CYP4Z1: variants seen among roughly 807,000 people sequenced by gnomAD.
CYP4Z1 encodes cytochrome P450 4Z1.
In CYP4Z1, 41 loss-of-function variants were observed where a neutral mutation model predicts 54.2. The observed-to-expected ratio is 0.76, with a 90% confidence interval of 0.59 to 0.98. CYP4Z1 has a LOEUF of 0.98. Ranked by LOEUF, CYP4Z1 falls within the 50% of genes least tolerant of loss-of-function variation. CYP4Z1 has a pLI of 0.00. For synonymous variants in CYP4Z1, 163 were observed against 206.2 expected, an observed-to-expected ratio of 0.79 and a Z score of 1.79; for missense variants, 513 against 599.0, an observed-to-expected ratio of 0.86 and a Z score of 1.50.
At position 47,084,758 on chromosome 1, in the gene CYP4Z1, G is replaced by A. The variant is rs1644579509; in HGVS notation, c.617+14G>A. 1 of 1,613,256 alleles carries A rather than the reference G, an allele frequency of 6.2e-7. No individual in the cohort carries two copies. The highest frequency in any genetic ancestry group is 1.1e-5 in the South Asian group (1 of 91,016). ...CCAGTTGGACAGGTCAGTGACAAAA[G>A]GAAGGTAATTGTTTGCCAATAACTG... On this transcript the variant is annotated intron_variant, in intron 5 of 11. Transcript: ENST00000334194.
At chr1:47,097,399 G>C (rs1019935472) in intron 7 of CYP4Z1, among the ~76,000 whole-genome samples, 1 of 152,126 alleles carries the variant, frequency 6.6e-6, no homozygotes, top group African/African-American at 2.4e-5. Context: ...CCATGCCTAT[G>C]TCCTGAATGG....
chr1:47,096,470 T>G (rs530348590), intron 7 of CYP4Z1, among the ~76,000 whole-genome samples: 1 of 152,174 alleles, frequency 6.6e-6, no homozygotes, highest in Non-Finnish European at 1.5e-5. Flanking sequence ...GTTTTTATTT[T>G]GAGTTAATAC....
chr1:47,078,514 A>G (rs1347774753), intron 2 of CYP4Z1, among the ~76,000 whole-genome samples: 9 of 144,142 alleles, frequency 6.2e-5, no homozygotes, highest in African/African-American at 2.3e-4. Context: ...AAAGTTGTCT[A>G]GTAAGTCCAA....
chr1:47,102,101 C>T (rs1226459639), intron 8 of CYP4Z1, among the ~76,000 whole-genome samples: 1 of 152,098 alleles, frequency 6.6e-6, no homozygotes, highest in Non-Finnish European at 1.5e-5. Context: ...TTTGCATGGA[C>T]TATCTTTTTC....
chr1:47,105,926 G>T (rs1037344774), intron 8 of CYP4Z1, among the ~76,000 whole-genome samples: 11 of 136,176 alleles, frequency 8.1e-5, no homozygotes, highest in Admixed American at 7.4e-4. Context: ...TGCGGGGGGG[G>T]GAGAATCACT....
At chr1:47,086,585 TG>T (rs1204002402) in intron 6 of CYP4Z1, among the ~76,000 whole-genome samples, 1 of 152,382 alleles carries the variant, frequency 6.6e-6, no homozygotes, top group East Asian at 1.9e-4. Flanking sequence ...TTGTAGATTC[TG>T]GATATTAGCC....
At chr1:47,109,873 CAA>C (rs56098025) in intron 9 of CYP4Z1, among the ~76,000 whole-genome samples, 66 of 130,276 alleles carry the variant, frequency 5.1e-4, no homozygotes, top group Admixed American at 9.2e-4. Flanking sequence ...TCTACATGGC[CAA>C]AAAAAAAAAA....
chr1:47,097,937 T>C (rs1644690268), intron 7 of CYP4Z1, among the ~76,000 whole-genome samples: 7 of 151,536 alleles, frequency 4.6e-5, no homozygotes, highest in Admixed American at 4.0e-4. Flanking sequence ...TGTCTCAGTC[T>C]CCCGAGTAGC....
At position 47,082,760 on chromosome 1, in the gene CYP4Z1, T is replaced by C. The variant is rs374516413; in HGVS notation, c.492+299T>C. 5.7e-3 allele frequency among the ~76,000 whole-genome samples: 808 copies of C among 142,470 alleles called. 1 individual carries two copies. The highest frequency in any genetic ancestry group is 0.012 in the African/African-American group (448 of 36,772). The allele number at this position is 142,470 out of a possible 152,430, so 93.5% of individuals were successfully genotyped here. On this transcript the variant is annotated intron_variant, in intron 4 of 11. Transcript: ENST00000334194. ...CAAGGCAGAAGAGCAAAGACACCCA[T>C]AGGAGTAGCCATGCCAACATAGAGA... is the stretch of plus-strand genomic sequence containing the variant.
chr1:47,117,741 A>G (rs1644840547), intron 11 of CYP4Z1, 25 bp from the exon 12 acceptor site: 1 of 1,589,670 alleles, frequency 6.3e-7, no homozygotes, highest in South Asian at 1.1e-5. Context: ...ATTAGATGCC[A>G]TGTTTTCTTT....
At chr1:47,083,189 A>G (rs180914946) in intron 4 of CYP4Z1, among the ~76,000 whole-genome samples, 257 of 152,110 alleles carry the variant, frequency 1.7e-3, no homozygotes, top group African/African-American at 5.9e-3. Flanking sequence ...AGTCACAAAG[A>G]CTTCTTAATG....
intron 8 of CYP4Z1, among the ~76,000 whole-genome samples, chr1:47,101,964 A>G (rs1295333822): frequency 6.6e-6 from 1 of 152,168 alleles, no homozygotes; most frequent in Non-Finnish European, 1.5e-5. Flanking sequence ...ATACATGTTT[A>G]GACTGTTATA....
chr1:47,067,528 C>A lies in CYP4Z1; in HGVS notation c.38C>A (p.Pro13His), dbSNP rs754400619. The change falls in exon 1 of 12, where the codon CCC becomes CAC. Residue 13 changes from proline to histidine, a missense_variant. Pro to His is a moderately conservative substitution (Grantham distance 77). Coordinates refer to ENST00000334194, the MANE Select transcript of CYP4Z1 (RefSeq NM_178134.3). Reference protein sequence around the residue: ...PSWLQELMAHPFLLLILLCMS... With the variant: ...PSWLQELMAHHFLLLILLCMS... ...TGGCTTCAGGAACTCATGGCTCACC[C>A]CTTCTTGCTGCTGATCCTCCTCTGC... The A allele has an allele frequency of 6.2e-7, 1 of 1,612,932 alleles. No individual in the cohort carries two copies. The highest frequency in any genetic ancestry group is 1.3e-5 in the African/African-American group (1 of 74,992).
chr1:47,086,198 G>T (rs551662023), intron 6 of CYP4Z1, among the ~76,000 whole-genome samples: 3 of 152,148 alleles, frequency 2.0e-5, no homozygotes, highest in African/African-American at 7.2e-5. Context: ...TAATCCTTTG[G>T]GTATATACCC....
chr1:47,077,193 A>C (rs112966824), intron 2 of CYP4Z1, among the ~76,000 whole-genome samples: 1 of 152,100 alleles, frequency 6.6e-6, no homozygotes, highest in Non-Finnish European at 1.5e-5. Flanking sequence ...TTCTCCAATT[A>C]TAATTTTAGA....
At chr1:47,064,889 G>A (rs1569688460), upstream of CYP4Z1, among the ~76,000 whole-genome samples, 1 of 152,280 alleles carries the variant, frequency 6.6e-6, no homozygotes, top group East Asian at 1.9e-4. Flanking sequence ...GTGAGCAGGA[G>A]TAGCTGTTCT....
upstream of CYP4Z1, among the ~76,000 whole-genome samples, chr1:47,062,649 T>G (rs1644430038): frequency 6.6e-6 from 1 of 152,088 alleles, no homozygotes; most frequent in Non-Finnish European, 1.5e-5. Flanking sequence ...TCCATTGGAC[T>G]GGGAACTACA....
At chr1:47,110,064 T>A (rs1165022908) in intron 9 of CYP4Z1, among the ~76,000 whole-genome samples, 3 of 147,808 alleles carry the variant, frequency 2.0e-5, no homozygotes, top group Non-Finnish European at 3.0e-5. Flanking sequence ...ATAATGAATA[T>A]GCTCATAAGG....
intron 2 of CYP4Z1, among the ~76,000 whole-genome samples, chr1:47,077,598 T>C (rs1302217657): frequency 6.6e-6 from 1 of 152,070 alleles, no homozygotes; most frequent in Non-Finnish European, 1.5e-5. Context: ...ATTTCTAACA[T>C]TTCACTGTTT....
Sources: allele counts gnomAD v4.1 joint callset (sites outside exome capture counted in the v4.1 genomes callset), GRCh38; gene constraint gnomAD v4.1.1; transcripts MANE v1.5; gene names NCBI Gene and HGNC (gene_info 2026-07-23, HGNC 2026-07-21).